The following DDX24 variants were observed in gnomAD, a reference collection of about 807,000 sequenced individuals.
The protein encoded by DDX24 is DEAD-box helicase 24.
Under a neutral mutation model 68.9 loss-of-function variants are expected in DDX24, and 24 were observed. The observed-to-expected ratio is 0.35, with a 90% CI of 0.25 to 0.49. The LOEUF (loss-of-function observed/expected upper bound fraction) is 0.49, where lower values mean the gene tolerates loss of function less well. DDX24 is among the 20% of genes least tolerant of loss of function. DDX24 has a pLI of 0.99. For synonymous variants in DDX24, 395 were observed against 385.2 expected (o/e 1.03, Z -0.30); for missense variants, 989 against 1,039.0 (o/e 0.95, Z 0.66).
At chr14:94,060,729 C>T in intron 4 of DDX24, 116 bp from the exon 5 acceptor site, 2 of 1,457,068 alleles carry the variant, frequency 1.4e-6, no homozygotes, top group South Asian at 1.3e-5. Flanking sequence ...CACCCCACTA[C>T]CACCACCACC....
At position 94,052,889 on chromosome 14, in the gene DDX24, A is replaced by G. The variant is rs915276688; in HGVS notation, c.2308+109T>C. The G allele has an allele frequency of 1.9e-5, 27 of 1,440,042 alleles. 1 individual carries two copies. In the East Asian group the frequency reaches 3.5e-4, roughly 19 times the overall value. The allele number at this position is 1,440,042 out of a possible 1,614,324, so 89.2% of individuals were successfully genotyped here. On this transcript the variant is annotated intron_variant, in intron 8 of 8. Coordinates refer to ENST00000621632, the MANE Select transcript of DDX24 (RefSeq NM_020414.4). Reference sequence around the variant, plus strand: ...GGCCTGTTAGCAAAGAGGGGGAAGGACGCCTTGCTGATTTTGACAAGACCC... The same window carrying G: ...GGCCTGTTAGCAAAGAGGGGGAAGGGCGCCTTGCTGATTTTGACAAGACCC...
chr14:94,060,818 T>C, intron 4 of DDX24, 95 bp downstream of exon 4: 2 of 1,536,344 alleles, frequency 1.3e-6, no homozygotes, highest in Non-Finnish European at 1.8e-6. Context: ...CACCATAGCA[T>C]TCTGCGATGA....
intron 2 of DDX24, among the ~76,000 whole-genome samples, chr14:94,067,072 T>C (rs938953547): frequency 6.6e-6 from 1 of 151,916 alleles, no homozygotes; most frequent in Admixed American, 6.6e-5. Flanking sequence ...AAAGTCTCAA[T>C]GCAAGGAAAT....
At chr14:94,052,400 T>C (rs543798865) in intron 8 of DDX24, among the ~76,000 whole-genome samples, 44 of 152,308 alleles carry the variant, frequency 2.9e-4, no homozygotes, top group African/African-American at 4.1e-4. Context: ...AGTTTCCATA[T>C]GTAAAAGAAG....
rs1885327074 is a variant in DDX24, at chr14:94,048,653, G to C, written c.*2538C>G. The C allele has an allele frequency of 1.3e-5, 2 of 152,172 alleles. No homozygotes were observed. Among genetic ancestry groups the C allele is most frequent in the Non-Finnish European group, 2.9e-5 (2 of 68,036 alleles). The allele number at this position is 152,172 out of a possible 1,614,324, so 9.4% of individuals were successfully genotyped here. A position where few individuals can be genotyped will look rare whatever the true frequency, so the allele number is the denominator to read the frequency against. ...TCTGCAAAGGGATATTCCCCAACCT[G>C]TCCTTCCTGACAGGAAGCATAGGGC... On this transcript the variant is annotated 3_prime_UTR_variant, in exon 9 of 9. Coordinates refer to ENST00000621632, the MANE Select transcript of DDX24 (RefSeq NM_020414.4).
At chr14:94,064,870 TG>T (rs1411016902) in intron 2 of DDX24, among the ~76,000 whole-genome samples, 1 of 152,198 alleles carries the variant, frequency 6.6e-6, no homozygotes, top group East Asian at 1.9e-4. Flanking sequence ...GCATCATTAA[TG>T]GGGGCAACCT....
At chr14:94,077,421 T>C (rs555578050) in intron 2 of DDX24, among the ~76,000 whole-genome samples, 1 of 152,328 alleles carries the variant, frequency 6.6e-6, no homozygotes, top group African/African-American at 2.4e-5. Flanking sequence ...CGGACTTACT[T>C]CCAGGACTCT....
Position 94,062,208 on chromosome 14 carries a change from C to T in DDX24, c.1132G>A (p.Ala378Thr), listed in dbSNP as rs200980599. 4.0e-5 allele frequency: 65 copies of T among 1,613,982 alleles called. No homozygotes were observed. The Admixed American group carries it at 8.0e-4, about 20-fold the overall frequency. ...NLKQELDDKS[A>T]TCKAYPKRPL... Reference sequence around the variant, plus strand: ...CGCTTTGGATATGCCTTACAGGTGGCGCTTTTGTCATCCAACTCCTGTTTT... The same window carrying T: ...CGCTTTGGATATGCCTTACAGGTGGTGCTTTTGTCATCCAACTCCTGTTTT... Residue 378 changes from alanine (A) to threonine (T), a missense_variant, in exon 3 of 9, where the codon GCC becomes ACC. Physicochemically the swap from Ala to Thr is moderately conservative, Grantham distance 58. This residue lies in a region of DDX24 where 691 missense variants were observed against 760.0 expected (regional missense o/e 0.91). Coordinates refer to ENST00000621632, the MANE Select transcript of DDX24 (RefSeq NM_020414.4).
intron 6 of DDX24, chr14:94,055,558 G>A: frequency 4.7e-6 from 1 of 213,332 alleles, no homozygotes; most frequent in South Asian, 1.4e-4. Flanking sequence ...AATGTGGCAT[G>A]GTTGCTAACA....
intron 2 of DDX24, among the ~76,000 whole-genome samples, chr14:94,074,157 T>C (rs1449815682): frequency 6.6e-6 from 1 of 152,168 alleles, no homozygotes; most frequent in Non-Finnish European, 1.5e-5. Context: ...AGATGAATTC[T>C]ACCAAAAATT....
At chr14:94,055,207 A>T in intron 6 of DDX24, 23 bp from the exon 7 acceptor site, 1 of 1,607,348 alleles carries the variant, frequency 6.2e-7, no homozygotes, top group Non-Finnish European at 8.5e-7. Context: ...GAACTGGGAG[A>T]TCAATACATG....
At chr14:94,076,061 T>A (rs923574828) in intron 2 of DDX24, among the ~76,000 whole-genome samples, 8 of 152,346 alleles carry the variant, frequency 5.3e-5, no homozygotes, top group Non-Finnish European at 1.2e-4. Flanking sequence ...GAAAACTCTT[T>A]AAAAGTTACA....
intron 2 of DDX24, among the ~76,000 whole-genome samples, chr14:94,065,384 G>GACACACACACACACACAC (rs58390384): frequency 0.043 from 6,391 of 147,084 alleles, 164 homozygotes; most frequent in Non-Finnish European, 0.054. Context: ...CTCTCTCTCT[G>GACACACACACACACACAC]ACACACACAC....
rs889541114 is a variant in DDX24 at position 94,050,830 on chromosome 14, G to A, written c.*361C>T. Reference sequence around the variant, plus strand: ...AGGGCTTAGCACTGTGCTGGCCCAGGAGAATCACTAAGTTAATAATGAAAC... The same window carrying A: ...AGGGCTTAGCACTGTGCTGGCCCAGAAGAATCACTAAGTTAATAATGAAAC... On this transcript the variant is annotated 3_prime_UTR_variant, in exon 9 of 9. Coordinates refer to ENST00000621632, the MANE Select transcript of DDX24 (RefSeq NM_020414.4). 1.9e-5 allele frequency: 4 copies of A among 209,814 alleles called. No individual in the cohort carries two copies. Among genetic ancestry groups the A allele is most frequent in the Non-Finnish European group, 2.8e-5 (3 of 107,370 alleles). The allele number at this position is 209,814 out of a possible 1,614,324, so 13.0% of individuals were successfully genotyped here. A position where few individuals can be genotyped will look rare whatever the true frequency, so the allele number is the denominator to read the frequency against.
Position 94,053,117 on chromosome 14 carries a change from C to G in DDX24, c.2189G>C (p.Arg730Pro). ...KYMDVVKERI[R>P]LARQIEKSEY... is the part of the protein sequence containing the mutation. ...AGATTTCTCAATCTGTCGAGCTAAACGGATTCGCTCCTGGGGGGAAGTAAC... is the reference window on the plus strand; with the variant it reads ...AGATTTCTCAATCTGTCGAGCTAAAGGGATTCGCTCCTGGGGGGAAGTAAC... The change falls in exon 8 of 9, where the codon CGT becomes CCT. Residue 730 changes from arginine to proline, a missense_variant. Coordinates refer to ENST00000621632, the MANE Select transcript of DDX24 (RefSeq NM_020414.4). 2 of 1,614,108 alleles carry G rather than the reference C, an allele frequency of 1.2e-6. No homozygotes were observed. The highest frequency in any genetic ancestry group is 1.7e-6 in the Non-Finnish European group (2 of 1,180,012).
At chr14:94,072,639 G>A (rs148335450) in intron 2 of DDX24, among the ~76,000 whole-genome samples, 2 of 152,260 alleles carry the variant, frequency 1.3e-5, no homozygotes, top group African/African-American at 4.8e-5. Flanking sequence ...AGACCAACCT[G>A]GCCAACGTGG....
At chr14:94,065,591 A>G (rs745937902) in intron 2 of DDX24, among the ~76,000 whole-genome samples, 6 of 152,198 alleles carry the variant, frequency 3.9e-5, no homozygotes, top group Non-Finnish European at 5.9e-5. Context: ...GACTGCAAGA[A>G]CAAACCAGTA....
intron 8 of DDX24, chr14:94,051,757 A>G (rs1885392571): frequency 3.1e-6 from 1 of 324,274 alleles, no homozygotes. Flanking sequence ...CCTGGCTCAC[A>G]TCACAGAGCC....
chr14:94,059,275 C>T (rs932449936), intron 5 of DDX24, among the ~76,000 whole-genome samples: 2 of 152,214 alleles, frequency 1.3e-5, no homozygotes, highest in South Asian at 2.1e-4. Flanking sequence ...TTTCCAGGCC[C>T]TCATCTTGAC....
Sources: gnomAD v4.1 joint callset for allele counts (sites outside exome capture counted in the v4.1 genomes callset) on GRCh38, gnomAD v4.1.1 for gene constraint, gnomAD v4.1.1 regional missense constraint, MANE v1.5 for transcripts, NCBI Gene and HGNC (gene_info 2026-07-23, HGNC 2026-07-21) for gene names.